The following CCT2 variants were observed in gnomAD, a reference collection of about 807,000 sequenced individuals.
CCT2 encodes chaperonin containing TCP1 subunit 2.
A neutral mutation model predicts 61.8 loss-of-function variants in CCT2; 18 were observed. The observed-to-expected ratio is 0.29, with a 90% confidence interval of 0.20 to 0.43. CCT2 has a LOEUF of 0.43. CCT2 is among the 20% of genes least tolerant of loss of function. The pLI, the probability that CCT2 is intolerant of heterozygous loss-of-function variation, is 1.00. For missense variants in CCT2, 556 were observed against 656.9 expected (o/e 0.85, Z 1.68); for synonymous variants, 248 against 215.9 (o/e 1.15, Z -1.30).
In CCT2 at chr12:69,587,922, T is replaced by A; in HGVS notation, c.257-8T>A. 1 of 1,605,470 alleles carries A rather than the reference T, an allele frequency of 6.2e-7. No homozygotes were observed. Among genetic ancestry groups the A allele is most frequent in the Non-Finnish European group, 8.5e-7 (1 of 1,172,576 alleles). ...AATTTTGAGTTAATAACTAATTTCT[T>A]TTTCTAGATATGTCAAGGGTTCAAG... On this transcript the variant is annotated splice_polypyrimidine_tract_variant and splice_region_variant and intron_variant, in intron 4 of 15. Coordinates refer to ENST00000299300, the MANE Select transcript of CCT2 (RefSeq NM_006431.3).
At chr12:69,592,451 C>G (rs545700668) in intron 8 of CCT2, 60 of 187,692 alleles carry the variant, frequency 3.2e-4, no homozygotes, top group East Asian at 2.7e-4. Flanking sequence ...CTACTGCACT[C>G]GAGCCTGGGC....
chr12:69,587,477 T>G, intron 3 of CCT2, 28 bp from the exon 4 acceptor site: 1 of 1,329,582 alleles, frequency 7.5e-7, no homozygotes, highest in Non-Finnish European at 1.1e-6. Context: ...GCTTATGTCT[T>G]AACTTGAACC....
intron 7 of CCT2, 140 bp from the exon 8 acceptor site, chr12:69,591,919 T>TAA: frequency 1.9e-6 from 1 of 520,136 alleles, no homozygotes; most frequent in Non-Finnish European, 3.5e-6. Flanking sequence ...AGCTTGCTTT[T>TAA]ATGCCTTCTA....
In CCT2 at chr12:69,587,497, C is replaced by T. The variant is rs755822333; in HGVS notation, c.145-8C>T. The stretch of plus-strand genomic sequence containing the variant: ...TGTCTTAACTTGAACCAATTATGTT[C>T]CCTTTAGGACAAAATTCTTCTAAGC... On this transcript the variant is annotated splice_region_variant and splice_polypyrimidine_tract_variant and intron_variant, in intron 3 of 15. Coordinates refer to ENST00000299300, the MANE Select transcript of CCT2 (RefSeq NM_006431.3). 4 of 1,539,418 alleles carry T rather than the reference C, an allele frequency of 2.6e-6. No individual in the cohort carries two copies. Among genetic ancestry groups the T allele is most frequent in the South Asian group, 1.1e-5 (1 of 89,384 alleles).
intron 9 of CCT2, 91 bp from the exon 10 acceptor site, chr12:69,593,419 T>C: frequency 1.2e-6 from 1 of 827,158 alleles, no homozygotes; most frequent in Non-Finnish European, 1.9e-6. Flanking sequence ...TTTCTTTTAC[T>C]TGTGGTAAAA....
At chr12:69,591,975 A>G in intron 7 of CCT2, 84 bp from the exon 8 acceptor site, 1 of 725,444 alleles carries the variant, frequency 1.4e-6, no homozygotes, top group Non-Finnish European at 2.3e-6. Context: ...AAACAGTGAT[A>G]TGATAAAGCA....
chr12:69,598,526 A>C (rs1882059049), intron 14 of CCT2, 105 bp downstream of exon 14: 1 of 563,308 alleles, frequency 1.8e-6, no homozygotes, highest in Non-Finnish European at 3.0e-6. Context: ...CGTATAAAAG[A>C]CTCTTTTGGA....
At chr12:69,588,064 C>A in intron 5 of CCT2, 58 bp downstream of exon 5, 2 of 1,526,602 alleles carry the variant, frequency 1.3e-6, no homozygotes. Context: ...CAGAGGTAAT[C>A]TAGTCCTTAC....
intron 1 of CCT2, 72 bp downstream of exon 1, chr12:69,585,596 G>C (rs1034068530): frequency 1.3e-6 from 2 of 1,552,616 alleles, no homozygotes; most frequent in African/African-American, 2.7e-5. Flanking sequence ...TGCTTCCTCT[G>C]TCCTGCTAGG....
intron 7 of CCT2, among the ~76,000 whole-genome samples, chr12:69,590,122 A>G (rs1201914568): frequency 6.6e-6 from 1 of 152,238 alleles, no homozygotes; most frequent in African/African-American, 2.4e-5. Context: ...TTTTTTCAAT[A>G]AATATAGTCA....
chr12:69,586,667 CAAAAA>C, intron 2 of CCT2, 81 bp from the exon 3 acceptor site: 3 of 809,664 alleles, frequency 3.7e-6, no homozygotes, highest in Non-Finnish European at 3.7e-6. Flanking sequence ...CACTCTGCCT[CAAAAA>C]AAAAAAAAAG....
At chr12:69,590,502 A>G (rs980937390) in intron 7 of CCT2, among the ~76,000 whole-genome samples, 13 of 152,120 alleles carry the variant, frequency 8.5e-5, no homozygotes, top group Admixed American at 8.5e-4. Context: ...TCTTCACATT[A>G]TATTTACTTC....
Position 69,588,017 on chromosome 12 carries a change from C to G in CCT2, c.333+11C>G. 1 of 1,607,836 alleles carries G rather than the reference C, an allele frequency of 6.2e-7. No individual in the cohort carries two copies. The highest frequency in any genetic ancestry group is 8.5e-7 in the Non-Finnish European group (1 of 1,174,392). ...GCAGAATTATTAAGGGTAAGAGCAACTAAGCAACTCTTTTTTCCTACTGTG... is the reference window on the plus strand; with the variant it reads ...GCAGAATTATTAAGGGTAAGAGCAAGTAAGCAACTCTTTTTTCCTACTGTG... On this transcript the variant is annotated intron_variant, in intron 5 of 15. Coordinates refer to ENST00000299300, the MANE Select transcript of CCT2 (RefSeq NM_006431.3).
intron 1 of CCT2, 25 bp downstream of exon 1, chr12:69,585,549 G>C (rs1593092701): frequency 6.4e-7 from 1 of 1,570,092 alleles, no homozygotes; most frequent in Non-Finnish European, 8.6e-7. Flanking sequence ...CCTGCCTCTT[G>C]CCCTACCCCT....
At chr12:69,588,917 C>T (rs1312785380) in intron 6 of CCT2, among the ~76,000 whole-genome samples, 4 of 152,164 alleles carry the variant, frequency 2.6e-5, no homozygotes, top group African/African-American at 4.8e-5. Flanking sequence ...TTGTTTTTCA[C>T]GTCCTTTTAT....
chr12:69,586,920 TTAATTA>T (rs1382672500), intron 3 of CCT2, 102 bp downstream of exon 3: 1 of 715,530 alleles, frequency 1.4e-6, no homozygotes, highest in African/African-American at 1.9e-5. Flanking sequence ...TTTAAAACGT[TTAATTA>T]TAAAAGACAA....
intron 14 of CCT2, 123 bp from the exon 15 acceptor site, chr12:69,599,740 T>G (rs1445039514): frequency 2.8e-6 from 2 of 704,544 alleles, no homozygotes; most frequent in East Asian, 5.9e-5. Flanking sequence ...CTTATCTACC[T>G]ACTGAGTAAA....
rs780051604 is a variant in CCT2, at chr12:69,593,149, T to C, written c.878+46T>C. 7.2e-6 allele frequency: 11 copies of C among 1,534,752 alleles called. No homozygotes were observed. The South Asian group carries it at 1.0e-4, about 15-fold the overall frequency. ...AAGGATTTTTTTCCATGAAAGTTTA[T>C]GGAATACTTCATATTTACTTATATT... is the stretch of plus-strand genomic sequence containing the variant. On this transcript the variant is annotated intron_variant, in intron 9 of 15. Coordinates refer to ENST00000299300, the MANE Select transcript of CCT2 (RefSeq NM_006431.3).
intron 1 of CCT2, chr12:69,585,900 A>T (rs1291150949): frequency 7.9e-7 from 1 of 1,271,188 alleles, no homozygotes; most frequent in African/African-American, 1.5e-5. Flanking sequence ...CAGCCTTCCG[A>T]GGGTGGAAGA....
Sources: allele counts gnomAD v4.1 joint callset (sites outside exome capture counted in the v4.1 genomes callset), GRCh38; gene constraint gnomAD v4.1.1; transcripts MANE v1.5; gene names NCBI Gene and HGNC (gene_info 2026-07-23, HGNC 2026-07-21).